The following TMEM209 variants were observed in gnomAD, a reference collection of about 807,000 sequenced individuals.
TMEM209 encodes the protein transmembrane protein 209.
A neutral mutation model predicts 76.2 loss-of-function variants in TMEM209; 65 were observed. The observed-to-expected ratio is 0.85, with a 90% CI of 0.70 to 1.05. The LOEUF is 1.05. Among genes scored for constraint, TMEM209 ranks in the 50% least tolerant of loss-of-function variants. The probability of loss-of-function intolerance (pLI) is 0.00; values close to 1 mark genes in which losing one functional copy is unlikely to be tolerated. For synonymous variants in TMEM209, 239 were observed against 237.6 expected, an observed-to-expected ratio of 1.01 and a Z score of -0.06; for missense variants, 623 against 685.5, an observed-to-expected ratio of 0.91 and a Z score of 1.02.
At chr7:130,169,194 C>CAAA (rs11463128) in intron 14 of TMEM209, among the ~76,000 whole-genome samples, 12 of 74,826 alleles carry the variant, frequency 1.6e-4, no homozygotes, top group South Asian at 9.1e-4. Context: ...GACTCCATCT[C>CAAA]AAAAAAAAAA....
At chr7:130,195,525 G>A (rs191465048) in intron 5 of TMEM209, among the ~76,000 whole-genome samples, 6 of 151,666 alleles carry the variant, frequency 4.0e-5, no homozygotes, top group Non-Finnish European at 7.4e-5. Context: ...ACAGCTTTTC[G>A]AACTTTAGGT....
intron 6 of TMEM209, 105 bp downstream of exon 6, chr7:130,192,517 T>G (rs75961381): frequency 1.0e-6 from 1 of 978,648 alleles, no homozygotes; most frequent in Non-Finnish European, 1.5e-6. Context: ...CAAAACATGC[T>G]AAGCTAATAA....
At chr7:130,201,088 C>CAAAAA (rs869309249) in intron 5 of TMEM209, among the ~76,000 whole-genome samples, 4 of 74,176 alleles carry the variant, frequency 5.4e-5, no homozygotes, top group African/African-American at 1.8e-4. Flanking sequence ...GACTCTGTCT[C>CAAAAA]AAAAAAAAAA....
chr7:130,185,445 T>C, intron 6 of TMEM209, 78 bp from the exon 7 acceptor site: 1 of 1,279,258 alleles, frequency 7.8e-7, no homozygotes, highest in Non-Finnish European at 1.1e-6. Context: ...ATCTAGGCAA[T>C]GGCAATCCAG....
chr7:130,202,738 C>G, intron 3 of TMEM209, 75 bp from the exon 4 acceptor site: 1 of 1,438,880 alleles, frequency 6.9e-7, no homozygotes, highest in Non-Finnish European at 9.2e-7. Flanking sequence ...ACCCTCTATA[C>G]TTAGCAAACT....
In TMEM209 at chr7:130,181,706, G is replaced by A; in HGVS notation, c.1037C>T (p.Thr346Ile). The A allele has an allele frequency of 2.5e-6, 4 of 1,608,492 alleles. No individual in the cohort carries two copies. The highest frequency in any genetic ancestry group is 1.3e-5 in the African/African-American group (1 of 75,002). The change falls in exon 9 of 15, where the codon ACA (threonine) becomes ATA (isoleucine). Residue 346 changes from threonine to isoleucine, a missense_variant. Transcript: ENST00000397622. ...CTCTTGAACAAGTGGCACTAATATT[G>A]TCTCATTGATCCACTAGAAGAAATA... ...TAKFRNWINE[T>I]ILVPLVQEIE...
At position 130,170,949 on chromosome 7, in the gene TMEM209, C is replaced by T. The variant is rs147388008; in HGVS notation, c.1558-476G>A. Among the ~76,000 whole-genome samples the T allele has an allele frequency of 1.3e-3, 202 of 152,086 alleles. 1 individual carries two copies. The highest frequency in any genetic ancestry group is 4.5e-3 in the African/African-American group (185 of 41,508). ...GTTCACGTCATTCTCCTGCCTCAGCCTCCCAAGTAGCTGGGACCACAGGCG... is the reference window on the plus strand; with the variant it reads ...GTTCACGTCATTCTCCTGCCTCAGCTTCCCAAGTAGCTGGGACCACAGGCG... On this transcript the variant is annotated intron_variant, in intron 13 of 14. Transcript: ENST00000397622.
intron 5 of TMEM209, among the ~76,000 whole-genome samples, chr7:130,195,927 C>A (rs990905101): frequency 2.0e-5 from 3 of 152,064 alleles, no homozygotes; most frequent in Non-Finnish European, 2.9e-5. Context: ...TTTATCTTTT[C>A]AATAACAGGT....
At chr7:130,177,371 T>C (rs1797272251) in intron 10 of TMEM209, among the ~76,000 whole-genome samples, 1 of 150,434 alleles carries the variant, frequency 6.6e-6, no homozygotes, top group Admixed American at 6.6e-5. Flanking sequence ...AAAAGAATGA[T>C]AATTGTATTC....
chr7:130,202,752 A>AT, intron 3 of TMEM209, 89 bp from the exon 4 acceptor site: 1 of 1,360,154 alleles, frequency 7.4e-7, no homozygotes, highest in African/African-American at 1.5e-5. Flanking sequence ...GCAAACTAAA[A>AT]TTACCTTCTT....
intron 14 of TMEM209, among the ~76,000 whole-genome samples, chr7:130,168,471 C>T (rs138111698): frequency 0.022 from 3,272 of 152,152 alleles, 50 homozygotes; most frequent in Non-Finnish European, 0.031. Flanking sequence ...CCTGTATTAA[C>T]AACATGGAAT....
rs1387010808 is a variant in TMEM209 at position 130,166,061 on chromosome 7, A to T, written c.*390T>A. The T allele has an allele frequency of 6.4e-6, 1 of 155,968 alleles. No homozygotes were observed. The highest frequency in any genetic ancestry group is 1.4e-5 in the Non-Finnish European group (1 of 70,756). The allele number at this position is 155,968 out of a possible 1,614,324, so 9.7% of individuals were successfully genotyped here. A position where few individuals can be genotyped will look rare whatever the true frequency, so the allele number is the denominator to read the frequency against. ...TTGACAGAGACCCTCTCTAAAAAAA[A>T]AAAAGACTGAAAAAAATTTTTTTTT... On this transcript the variant is annotated 3_prime_UTR_variant, in exon 15 of 15. Coordinates refer to ENST00000397622, the MANE Select transcript of TMEM209 (RefSeq NM_032842.4).
chr7:130,190,434 C>T (rs976350301), intron 6 of TMEM209, among the ~76,000 whole-genome samples: 1 of 151,744 alleles, frequency 6.6e-6, no homozygotes, highest in Non-Finnish European at 1.5e-5. Context: ...AGGAGAATCG[C>T]TTGAACCTGG....
At chr7:130,204,466 C>T (rs895458428) in intron 1 of TMEM209, among the ~76,000 whole-genome samples, 1 of 152,126 alleles carries the variant, frequency 6.6e-6, no homozygotes, top group Non-Finnish European at 1.5e-5. Flanking sequence ...CTCAGACTCC[C>T]GAGTAGCTGG....
chr7:130,194,948 AT>A (rs1797921758), intron 5 of TMEM209, among the ~76,000 whole-genome samples: 1 of 152,064 alleles, frequency 6.6e-6, no homozygotes, highest in African/African-American at 2.4e-5. Context: ...TTCCACACAG[AT>A]TTCTCTTTTA....
intron 14 of TMEM209, among the ~76,000 whole-genome samples, chr7:130,169,114 C>T (rs1229110946): frequency 6.8e-6 from 1 of 146,136 alleles, no homozygotes; most frequent in Admixed American, 7.2e-5. Context: ...GTAGTTCCAG[C>T]TACTTGGGAG....
In TMEM209 at chr7:130,201,867, C is replaced by CGGGCGAGTAGGTCACTCCA; in HGVS notation, c.537_555dup (p.Val186TrpfsTer11). On this transcript the variant is annotated frameshift_variant, in exon 5 of 15. Transcript: ENST00000397622. LOFTEE classifies it high-confidence loss of function. The stretch of plus-strand genomic sequence containing the variant: ...GTCATTACCTTATTATAACCACTGA[C>CGGGCGAGTAGGTCACTCCA]GGGCGAGTAGGTCACTCCAGGGCTA... The CGGGCGAGTAGGTCACTCCA allele has an allele frequency of 6.2e-7, 1 of 1,613,896 alleles. No homozygotes were observed. Among genetic ancestry groups the CGGGCGAGTAGGTCACTCCA allele is most frequent in the Non-Finnish European group, 8.5e-7 (1 of 1,179,860 alleles).
intron 9 of TMEM209, 30 bp from the exon 10 acceptor site, chr7:130,178,557 T>A: frequency 6.2e-7 from 1 of 1,610,258 alleles, no homozygotes; most frequent in Non-Finnish European, 8.5e-7. Flanking sequence ...AGAACACTGA[T>A]TATTCTAAAA....
intron 5 of TMEM209, among the ~76,000 whole-genome samples, chr7:130,196,273 G>A (rs1055809148): frequency 6.7e-6 from 1 of 150,242 alleles, no homozygotes; most frequent in African/African-American, 2.4e-5. Flanking sequence ...TCGATATATT[G>A]TTTTTAAATT....
Sources: gnomAD v4.1 joint callset for allele counts (sites outside exome capture counted in the v4.1 genomes callset) on GRCh38, gnomAD v4.1.1 for gene constraint, MANE v1.5 for transcripts, NCBI Gene and HGNC (gene_info 2026-07-23, HGNC 2026-07-21) for gene names.